Variants in LRBA observed in about 807,000 individuals in gnomAD.
The protein encoded by LRBA is lipopolysaccharide-responsive and beige-like anchor protein.
Under a neutral mutation model 330.0 loss-of-function variants are expected in LRBA, and 176 were observed. That is an observed-to-expected ratio of 0.53 (90% CI 0.47 to 0.60). LRBA has a LOEUF of 0.60. Ranked by LOEUF, LRBA falls within the 20% of genes least tolerant of loss-of-function variation. The pLI is 0.00. For missense variants in LRBA, 3,259 were observed against 3,444.8 expected (o/e 0.95, Z 1.35); for synonymous variants, 1,230 against 1,193.0 (o/e 1.03, Z -0.64).
intron 34 of LRBA, among the ~76,000 whole-genome samples, chr4:150,771,757 G>A (rs940160266): frequency 6.6e-6 from 1 of 152,156 alleles, no homozygotes; most frequent in Non-Finnish European, 1.5e-5. Context: ...TTGCTGAGTG[G>A]AAGTTCAGGT....
intron 36 of LRBA, among the ~76,000 whole-genome samples, chr4:150,716,711 T>A (rs755563277): frequency 6.6e-6 from 1 of 152,216 alleles, no homozygotes; most frequent in Non-Finnish European, 1.5e-5. Context: ...AAAATTGGTA[T>A]ATACAGTACC....
chr4:150,336,393 T>C (rs539287865), intron 48 of LRBA, among the ~76,000 whole-genome samples: 1 of 152,280 alleles, frequency 6.6e-6, no homozygotes, highest in African/African-American at 2.4e-5. Flanking sequence ...ATTAATTAAA[T>C]ACAAACTTGT....
At chr4:150,733,087 C>A (rs1175065129) in intron 36 of LRBA, among the ~76,000 whole-genome samples, 2 of 151,946 alleles carry the variant, frequency 1.3e-5, no homozygotes, top group East Asian at 3.9e-4. Flanking sequence ...AATGTCAAAT[C>A]AACTCTACTG....
At chr4:150,682,288 C>A (rs1365267847) in intron 37 of LRBA, among the ~76,000 whole-genome samples, 1 of 152,104 alleles carries the variant, frequency 6.6e-6, no homozygotes. Flanking sequence ...TTCTCCTCGC[C>A]ATGGGCTTTT....
intron 54 of LRBA, among the ~76,000 whole-genome samples, chr4:150,284,424 T>C (rs1284095962): frequency 6.6e-6 from 1 of 152,232 alleles, no homozygotes; most frequent in Non-Finnish European, 1.5e-5. Context: ...TTTTCACAAA[T>C]AAAATAATTA....
Position 150,583,246 on chromosome 4 carries a change from G to A in LRBA, c.6330+4802C>T. ...GGGGCTCGAGGTCATTTCGCCCACC[G>A]AATTTGAGGTGGTGCTCTACCTAAA... On this transcript the variant is annotated intron_variant, in intron 40 of 56. Coordinates refer to ENST00000651943, the MANE Select transcript of LRBA (RefSeq NM_001364905.1). This position sits in a 1 kb window ranked among gnomAD's most constrained non-coding sequence, Gnocchi z 9.8. 1 of 1,614,224 alleles carries A rather than the reference G, an allele frequency of 6.2e-7. No individual in the cohort carries two copies. Among genetic ancestry groups the A allele is most frequent in the Non-Finnish European group, 8.5e-7 (1 of 1,180,042 alleles).
At chr4:150,799,074 C>T (rs1741207772) in intron 33 of LRBA, among the ~76,000 whole-genome samples, 1 of 152,106 alleles carries the variant, frequency 6.6e-6, no homozygotes, top group East Asian at 1.9e-4. Context: ...CTTTCTCCTT[C>T]CCCGTTTAAA....
At chr4:150,506,523 A>C (rs951250345) in intron 40 of LRBA, among the ~76,000 whole-genome samples, 8 of 152,234 alleles carry the variant, frequency 5.3e-5, no homozygotes, top group Non-Finnish European at 1.2e-4. Flanking sequence ...GACAAAATTC[A>C]ACAACCCTTC....
chr4:150,491,119 C>A (rs1431634521), intron 40 of LRBA, 84 bp from the exon 41 acceptor site: 1 of 565,460 alleles, frequency 1.8e-6, no homozygotes, highest in South Asian at 4.2e-5. Context: ...ATAGAAAAGA[C>A]CCTATTAAGA....
At chr4:150,903,834 G>C (rs1490416037) in intron 13 of LRBA, among the ~76,000 whole-genome samples, 1 of 152,128 alleles carries the variant, frequency 6.6e-6, no homozygotes, top group Non-Finnish European at 1.5e-5. Flanking sequence ...CACTCATTAT[G>C]TACTCCAATA....
chr4:150,942,132 T>G (rs992372952), intron 2 of LRBA, among the ~76,000 whole-genome samples: 2 of 152,144 alleles, frequency 1.3e-5, no homozygotes, highest in African/African-American at 4.8e-5. Context: ...ATTTCCTAAT[T>G]ATCAGGTACT....
chr4:150,636,825 T>C (rs550373351), intron 37 of LRBA, among the ~76,000 whole-genome samples: 3 of 152,284 alleles, frequency 2.0e-5, no homozygotes, highest in East Asian at 3.9e-4. Context: ...TTTTTAAATT[T>C]TGTATAAAGA....
chr4:150,906,442 T>TA, intron 11 of LRBA, 37 bp from the exon 12 acceptor site: 2 of 1,159,374 alleles, frequency 1.7e-6, no homozygotes, highest in Non-Finnish European at 2.6e-6. Context: ...TAAAAAAACA[T>TA]ATTCTATTTT....
At chr4:150,863,952 A>T (rs901126892) in intron 22 of LRBA, among the ~76,000 whole-genome samples, 10 of 151,712 alleles carry the variant, frequency 6.6e-5, no homozygotes, top group Non-Finnish European at 1.3e-4. Context: ...TATTTATTTT[A>T]TTTTTTGAGA....
At chr4:150,588,296 C>A in intron 39 of LRBA, 112 bp from the exon 40 acceptor site, 2 of 981,530 alleles carry the variant, frequency 2.0e-6, no homozygotes, top group Non-Finnish European at 2.9e-6. Flanking sequence ...TACTGAACTG[C>A]CTGCCAACTA....
chr4:150,788,873 G>A (rs1352821355), intron 34 of LRBA, among the ~76,000 whole-genome samples: 15 of 150,104 alleles, frequency 1.0e-4, no homozygotes, highest in Admixed American at 7.9e-4. Context: ...TCAAGAGTTC[G>A]AGACCTGCCT....
At chr4:150,396,188 T>C (rs1744705523) in intron 47 of LRBA, among the ~76,000 whole-genome samples, 1 of 152,112 alleles carries the variant, frequency 6.6e-6, no homozygotes, top group Admixed American at 6.6e-5. Flanking sequence ...AAGGATGAAT[T>C]CCCTCCACCC....
intron 2 of LRBA, among the ~76,000 whole-genome samples, chr4:150,982,351 C>T (rs1329689058): frequency 6.6e-6 from 1 of 152,036 alleles, no homozygotes; most frequent in African/African-American, 2.4e-5. Context: ...TTTAAATGGG[C>T]TTTAAAGCTT....
chr4:150,694,499 G>C (rs1317684662), intron 36 of LRBA, among the ~76,000 whole-genome samples: 1 of 60,574 alleles, frequency 1.7e-5, no homozygotes, highest in Non-Finnish European at 4.0e-5. Context: ...AACTCAGAAA[G>C]ACTCATAGAA....
Sources: allele counts gnomAD v4.1 joint callset (sites outside exome capture counted in the v4.1 genomes callset), GRCh38; gene constraint gnomAD v4.1.1; non-coding constraint Gnocchi (gnomAD v3.1); transcripts MANE v1.5; gene names NCBI Gene and HGNC (gene_info 2026-07-23, HGNC 2026-07-21).